Variants in NDUFAF6 observed in about 807,000 individuals in gnomAD.
NDUFAF6 encodes the protein NADH:ubiquinone oxidoreductase complex assembly factor 6.
A neutral mutation model predicts 40.8 loss-of-function variants in NDUFAF6; 45 were observed. The ratio of observed to expected loss-of-function variants is 1.10; its 90% CI spans 0.87 to 1.42. The LOEUF (loss-of-function observed/expected upper bound fraction) is 1.42, where lower values mean the gene tolerates loss of function less well. Among genes scored for constraint, NDUFAF6 ranks in the 40% most tolerant of loss-of-function variants. The probability of loss-of-function intolerance (pLI) is 0.00; values close to 1 mark genes in which losing one functional copy is unlikely to be tolerated. For synonymous variants in NDUFAF6, 185 were observed against 155.9 expected, an observed-to-expected ratio of 1.19 and a Z score of -1.39; for missense variants, 435 against 418.5, an observed-to-expected ratio of 1.04 and a Z score of -0.34.
intron 1 of NDUFAF6, chr8:94,930,424 C>T: frequency 6.2e-7 from 1 of 1,602,696 alleles, no homozygotes. Flanking sequence ...CATATACACA[C>T]ATCCATACAT....
intron 9 of NDUFAF6, chr8:95,075,631 A>G: frequency 7.8e-7 from 1 of 1,288,414 alleles, no homozygotes; most frequent in Non-Finnish European, 1.0e-6. Flanking sequence ...TCCTCTCTGC[A>G]GGAAATTAAG....
chr8:95,059,601 C>T (rs1455459611), downstream of NDUFAF6, among the ~76,000 whole-genome samples: 1 of 152,112 alleles, frequency 6.6e-6, no homozygotes, highest in Non-Finnish European at 1.5e-5. Flanking sequence ...GTCATCCCAA[C>T]ACTTTGGGAG....
chr8:94,977,696 G>A (rs1355724018), intron 1 of NDUFAF6, among the ~76,000 whole-genome samples: 1 of 151,986 alleles, frequency 6.6e-6, no homozygotes, highest in African/African-American at 2.4e-5. Flanking sequence ...CTTGGACTCT[G>A]GAACTTACAT....
intron 1 of NDUFAF6, among the ~76,000 whole-genome samples, chr8:94,922,479 A>G (rs1819570087): frequency 7.4e-6 from 1 of 135,536 alleles, no homozygotes; most frequent in African/African-American, 2.7e-5. Flanking sequence ...AGAATCTGCA[A>G]TTTTTTTTTT....
intron 1 of NDUFAF6, among the ~76,000 whole-genome samples, chr8:94,912,759 G>A (rs1400155838): frequency 6.6e-6 from 1 of 150,678 alleles, no homozygotes; most frequent in Non-Finnish European, 1.5e-5. Flanking sequence ...CTTGCAGTGA[G>A]CCGAGATCAT....
At chr8:95,043,740 T>C (rs1228304529) in intron 4 of NDUFAF6, among the ~76,000 whole-genome samples, 1 of 152,164 alleles carries the variant, frequency 6.6e-6, no homozygotes, top group African/African-American at 2.4e-5. Context: ...ATAACAAGTA[T>C]TGGTGAGAAC....
chr8:95,090,801 C>T (rs906277962), intron 2 of NDUFAF6, among the ~76,000 whole-genome samples: 5 of 152,080 alleles, frequency 3.3e-5, no homozygotes, highest in Admixed American at 6.6e-5. Context: ...CAGCTTCCAA[C>T]GAATATAAAG....
At chr8:95,033,486 G>A (rs1416501507) in intron 2 of NDUFAF6, among the ~76,000 whole-genome samples, 2 of 152,202 alleles carry the variant, frequency 1.3e-5, no homozygotes, top group Non-Finnish European at 2.9e-5. Flanking sequence ...TTGATTGAAT[G>A]CAGAGACTTT....
At chr8:94,962,160 CT>C (rs1823631229) in intron 1 of NDUFAF6, among the ~76,000 whole-genome samples, 1 of 152,224 alleles carries the variant, frequency 6.6e-6, no homozygotes, top group South Asian at 2.1e-4. Context: ...ACCCTTTCTA[CT>C]TCTTCCTGCC....
intron 2 of NDUFAF6, chr8:94,945,757 GT>G: frequency 6.6e-6 from 1 of 152,378 alleles, no homozygotes; most frequent in East Asian, 1.9e-4. Flanking sequence ...TACAAATACA[GT>G]TCTGGAATTC....
At chr8:95,098,302 G>A (rs745993271), upstream of NDUFAF6, among the ~76,000 whole-genome samples, 10 of 152,136 alleles carry the variant, frequency 6.6e-5, no homozygotes, top group Non-Finnish European at 1.5e-4. Flanking sequence ...GGAGGCCGAG[G>A]TGGGTGGATC....
chr8:95,018,658 C>T (rs1473379142), intron 2 of NDUFAF6, among the ~76,000 whole-genome samples: 4 of 152,126 alleles, frequency 2.6e-5, no homozygotes, highest in Admixed American at 6.5e-5. Context: ...TAAAGATGCC[C>T]ATTAAACACA....
intron 2 of NDUFAF6, among the ~76,000 whole-genome samples, chr8:94,999,527 T>C (rs372969060): frequency 0.01 from 1,538 of 152,182 alleles, 29 homozygotes; most frequent in African/African-American, 0.035. Context: ...AGCAATTCTC[T>C]GGCCTCAGCC....
chr8:95,102,254 C>G (rs550276182), intron 2 of NDUFAF6, among the ~76,000 whole-genome samples: 2 of 152,232 alleles, frequency 1.3e-5, no homozygotes, highest in South Asian at 2.1e-4. Context: ...CCTTGGTCCC[C>G]CAAAGTGCTG....
chr8:95,000,208 A>T (rs903963389), intron 2 of NDUFAF6, among the ~76,000 whole-genome samples: 1 of 152,162 alleles, frequency 6.6e-6, no homozygotes, highest in African/African-American at 2.4e-5. Context: ...GTGGTGGTGC[A>T]TGCCTATAGT....
chr8:95,060,668 G>A (rs1392800712), downstream of NDUFAF6, among the ~76,000 whole-genome samples: 1 of 152,134 alleles, frequency 6.6e-6, no homozygotes, highest in African/African-American at 2.4e-5. Flanking sequence ...AGGTCATGGA[G>A]GCATTAGTAC....
intron 2 of NDUFAF6, among the ~76,000 whole-genome samples, chr8:95,007,464 G>A (rs1473597401): frequency 6.6e-6 from 1 of 152,088 alleles, no homozygotes; most frequent in Non-Finnish European, 1.5e-5. Context: ...AGGAGTTCAA[G>A]ACTAGCCTGG....
chr8:94,942,015 CA>C (rs1821584943), intron 1 of NDUFAF6, among the ~76,000 whole-genome samples: 1 of 151,948 alleles, frequency 6.6e-6, no homozygotes, highest in African/African-American at 2.4e-5. Flanking sequence ...TTCAGGCCAA[CA>C]CCCTAGCAGT....
chr8:94,960,066 A>G (rs953731249), intron 1 of NDUFAF6, among the ~76,000 whole-genome samples: 4 of 152,252 alleles, frequency 2.6e-5, no homozygotes, highest in African/African-American at 9.6e-5. Context: ...CATTTTGTGC[A>G]GACAAACTTA....
Sources: allele counts gnomAD v4.1 joint callset (sites outside exome capture counted in the v4.1 genomes callset), GRCh38; gene constraint gnomAD v4.1.1; transcripts MANE v1.5; gene names NCBI Gene and HGNC (gene_info 2026-07-23, HGNC 2026-07-21).